ZNF831: variants seen among roughly 807,000 people sequenced by gnomAD.
The protein encoded by ZNF831 is zinc finger protein 831, also known as chromosome 20 open reading frame 174.
A neutral mutation model predicts 95.8 loss-of-function variants in ZNF831; 59 were observed. The ratio of observed to expected loss-of-function variants is 0.62; its 90% confidence interval spans 0.50 to 0.77. ZNF831 has a LOEUF of 0.77. Among genes scored for constraint, ZNF831 ranks in the 30% least tolerant of loss-of-function variants. ZNF831 has a pLI of 0.00. For synonymous variants in ZNF831, 961 were observed against 925.5 expected (o/e 1.04, Z -0.70); for missense variants, 2,205 against 2,164.0 (o/e 1.02, Z -0.38).
At chr20:59,125,243 G>C (rs1979134632) in intron 1 of ZNF831, among the ~76,000 whole-genome samples, 1 of 152,218 alleles carries the variant, frequency 6.6e-6, no homozygotes, top group Non-Finnish European at 1.5e-5. Context: ...TGTGGCTCTT[G>C]CGCACTCGCC....
intron 1 of ZNF831, among the ~76,000 whole-genome samples, chr20:59,166,067 A>G (rs140554937): frequency 4.0e-4 from 61 of 152,286 alleles, no homozygotes; most frequent in African/African-American, 1.4e-3. Flanking sequence ...TAGTTTCTTT[A>G]TGATCACTTT....
chr20:59,174,661 T>A (rs777514316), intron 1 of ZNF831, among the ~76,000 whole-genome samples: 21 of 151,922 alleles, frequency 1.4e-4, no homozygotes, highest in Non-Finnish European at 2.2e-4. Context: ...GCTGCAGTGA[T>A]CCATGTACGC....
In ZNF831 at chr20:59,194,382, C is replaced by T. The variant is rs2146598596; in HGVS notation, c.3363C>T (p.Gly1121=). The change falls in exon 2 of 6, where the codon GGC becomes GGT. Residue 1121 remains glycine, a synonymous_variant. Coordinates refer to ENST00000371030, the MANE Select transcript of ZNF831 (RefSeq NM_178457.3). The part of the protein sequence containing the change: ...PEDPSSGPLV[G]PDPCSPLQPG... The stretch of plus-strand genomic sequence containing the variant: ...ATCCTTCTTCAGGGCCCCTGGTGGG[C>T]CCCGACCCGTGTTCCCCCCTCCAGC... The T allele has an allele frequency of 6.2e-7, 1 of 1,610,268 alleles. No homozygotes were observed. Among genetic ancestry groups the T allele is most frequent in the African/African-American group, 1.3e-5 (1 of 74,974 alleles).
At chr20:59,182,628 G>A (rs1005858481) in intron 1 of ZNF831, among the ~76,000 whole-genome samples, 6 of 152,134 alleles carry the variant, frequency 3.9e-5, no homozygotes, top group Non-Finnish European at 8.8e-5. Context: ...GGGAAACCAC[G>A]TAATTTGTGT....
At chr20:59,230,349 G>A (rs1251299146) in intron 4 of ZNF831, among the ~76,000 whole-genome samples, 1 of 152,154 alleles carries the variant, frequency 6.6e-6, no homozygotes, top group Non-Finnish European at 1.5e-5. Context: ...GCGGGTGCCT[G>A]TAATCCCAGC....
intron 3 of ZNF831, among the ~76,000 whole-genome samples, chr20:59,198,833 T>G (rs568147371): frequency 6.6e-6 from 1 of 152,328 alleles, no homozygotes; most frequent in South Asian, 2.1e-4. Flanking sequence ...TCAAGGCCTT[T>G]GCACCTGCTA....
intron 4 of ZNF831, among the ~76,000 whole-genome samples, chr20:59,232,081 T>C (rs1162928866): frequency 2.0e-5 from 3 of 152,104 alleles, no homozygotes; most frequent in Admixed American, 6.5e-5. Context: ...AAGTTAATAG[T>C]GTATGTAACG....
rs1422108253 is a variant in ZNF831, at chr20:59,169,940, A to G, written c.-37+5733A>G. On this transcript the variant is annotated intron_variant, in intron 1 of 5. Transcript: ENST00000371030. This position sits in a 1 kb window ranked among gnomAD's most constrained non-coding sequence, Gnocchi z 4.1. ...ATTTTATTAATCTTGTCCAAGAAAA[A>G]GCTCTTTCTTTCATTGATTTTCTCT... Among the ~76,000 whole-genome samples, 1 of 151,088 alleles carries G rather than the reference A, an allele frequency of 6.6e-6. No individual in the cohort carries two copies. The highest frequency in any genetic ancestry group is 1.5e-5 in the Non-Finnish European group (1 of 67,816).
intron 1 of ZNF831, among the ~76,000 whole-genome samples, chr20:59,177,334 TA>T (rs1982247360): frequency 6.6e-6 from 1 of 152,160 alleles, no homozygotes; most frequent in East Asian, 1.9e-4. Flanking sequence ...AGAAAGAATT[TA>T]AAAAAATATT....
intron 1 of ZNF831, among the ~76,000 whole-genome samples, chr20:59,167,920 GTT>G (rs11477823): frequency 0.011 from 1,691 of 148,268 alleles, 20 homozygotes; most frequent in South Asian, 0.017. Flanking sequence ...ATTGATTTAT[GTT>G]TTTTTTTTTA....
At chr20:59,167,528 G>A (rs1981377501) in intron 1 of ZNF831, among the ~76,000 whole-genome samples, 1 of 151,566 alleles carries the variant, frequency 6.6e-6, no homozygotes, top group Non-Finnish European at 1.5e-5. Context: ...TCCCACTTTA[G>A]AAGTCCTAAA....
At chr20:59,253,262 C>A in intron 5 of ZNF831, 124 bp downstream of exon 5, 1 of 1,053,604 alleles carries the variant, frequency 9.5e-7, no homozygotes, top group Non-Finnish European at 1.4e-6. Flanking sequence ...AGATTCGTGG[C>A]ACAGAAAGCC....
At chr20:59,160,295 C>T (rs1422495193), upstream of ZNF831, 11 of 152,272 alleles carry the variant, frequency 7.2e-5, no homozygotes, top group Admixed American at 6.5e-4. Context: ...TTATTTGACA[C>T]ATACTCTTGG....
intron 4 of ZNF831, among the ~76,000 whole-genome samples, chr20:59,241,997 C>T (rs933755203): frequency 2.6e-5 from 4 of 152,186 alleles, no homozygotes; most frequent in African/African-American, 9.7e-5. Flanking sequence ...AAGTTTTACT[C>T]GTCTGAAGTC....
chr20:59,132,152 A>G (rs1307699367), intron 1 of ZNF831, among the ~76,000 whole-genome samples: 3 of 152,234 alleles, frequency 2.0e-5, no homozygotes, highest in Non-Finnish European at 4.4e-5. Flanking sequence ...TTTCTGCACA[A>G]TAATATGATA....
At position 59,256,715 on chromosome 20, in the gene ZNF831, G is replaced by A. The variant is rs1316580037; in HGVS notation, c.*1972G>A. On this transcript the variant is annotated 3_prime_UTR_variant, in exon 6 of 6. Coordinates refer to ENST00000371030, the MANE Select transcript of ZNF831 (RefSeq NM_178457.3). ...ATTCCCCATGGGGAACCATTGCCACGGAGGCCTTGCATGCAAGAAGTTTGG... is the reference window on the plus strand; with the variant it reads ...ATTCCCCATGGGGAACCATTGCCACAGAGGCCTTGCATGCAAGAAGTTTGG... The A allele has an allele frequency of 6.6e-6, 1 of 152,176 alleles. No homozygotes were observed. The highest frequency in any genetic ancestry group is 1.5e-5 in the Non-Finnish European group (1 of 68,038). 9.4% of individuals were successfully genotyped at this position (152,176 alleles called of 1,614,324 possible).
chr20:59,204,234 C>T (rs1035151068), intron 3 of ZNF831, among the ~76,000 whole-genome samples: 3 of 152,194 alleles, frequency 2.0e-5, no homozygotes, highest in Admixed American at 6.5e-5. Flanking sequence ...CCTTATGGAG[C>T]GGATGTTTAT....
chr20:59,247,004 C>G (rs1315561995), intron 4 of ZNF831, among the ~76,000 whole-genome samples: 2 of 152,162 alleles, frequency 1.3e-5, no homozygotes, highest in African/African-American at 4.8e-5. Flanking sequence ...TTTCTTCCAT[C>G]ATTTTTAGCC....
intron 1 of ZNF831, among the ~76,000 whole-genome samples, chr20:59,180,084 G>A (rs767765276): frequency 5.9e-5 from 9 of 152,014 alleles, no homozygotes; most frequent in Non-Finnish European, 8.8e-5. Flanking sequence ...CTTTCTAGAC[G>A]ATCATTTTAT....
Sources: allele counts gnomAD v4.1 joint callset (sites outside exome capture counted in the v4.1 genomes callset), GRCh38; gene constraint gnomAD v4.1.1; non-coding constraint Gnocchi (gnomAD v3.1); transcripts MANE v1.5; gene names NCBI Gene and HGNC (gene_info 2026-07-23, HGNC 2026-07-21).